The following HS6ST3 variants were observed in gnomAD, a reference collection of about 807,000 sequenced individuals.
The protein encoded by HS6ST3 is heparan-sulfate 6-O-sulfotransferase 3.
Under a neutral mutation model 36.7 loss-of-function variants are expected in HS6ST3, and 12 were observed. The ratio of observed to expected loss-of-function variants is 0.33; its 90% confidence interval spans 0.21 to 0.53. The LOEUF (loss-of-function observed/expected upper bound fraction) is 0.53. Among genes scored for constraint, HS6ST3 ranks in the 20% least tolerant of loss-of-function variants. HS6ST3 has a pLI of 0.95. For missense variants in HS6ST3, 584 were observed against 640.9 expected (o/e 0.91, Z 0.96); for synonymous variants, 240 against 257.5 (o/e 0.93, Z 0.65).
intron 1 of HS6ST3, among the ~76,000 whole-genome samples, chr13:96,421,033 T>C (rs891277162): frequency 3.3e-5 from 5 of 152,206 alleles, no homozygotes; most frequent in African/African-American, 1.2e-4. Flanking sequence ...TGATGCTTTA[T>C]TGAGAGTTCC....
At chr13:96,317,370 AAT>A (rs1566322178) in intron 1 of HS6ST3, among the ~76,000 whole-genome samples, 439 of 15,338 alleles carry the variant, frequency 0.029, 5 homozygotes, top group Non-Finnish European at 0.049. Flanking sequence ...ATATATATAA[AAT>A]TATATATATA....
intron 1 of HS6ST3, among the ~76,000 whole-genome samples, chr13:96,453,127 A>G (rs181773854): frequency 1.3e-5 from 2 of 152,054 alleles, no homozygotes; most frequent in East Asian, 3.9e-4. Flanking sequence ...GTATTTTACA[A>G]TGGACCATGT....
chr13:96,375,679 T>C (rs1367997292), intron 1 of HS6ST3, among the ~76,000 whole-genome samples: 2 of 152,228 alleles, frequency 1.3e-5, no homozygotes, highest in East Asian at 3.8e-4. Flanking sequence ...CCAATTAACA[T>C]GTGCCACCTA....
intron 1 of HS6ST3, among the ~76,000 whole-genome samples, chr13:96,518,297 A>G (rs1055828562): frequency 6.6e-6 from 1 of 152,276 alleles, no homozygotes; most frequent in African/African-American, 2.4e-5. Context: ...AATATGTCTT[A>G]TCTGTGTTAA....
chr13:96,614,032 C>T (rs1474320939), intron 1 of HS6ST3, among the ~76,000 whole-genome samples: 1 of 152,046 alleles, frequency 6.6e-6, no homozygotes, highest in Non-Finnish European at 1.5e-5. Flanking sequence ...GGCGCGGTGG[C>T]TCACCCCTGT....
intron 1 of HS6ST3, among the ~76,000 whole-genome samples, chr13:96,167,296 A>C (rs1396626056): frequency 6.6e-6 from 1 of 152,238 alleles, no homozygotes; most frequent in African/African-American, 2.4e-5. Context: ...GTAAGTACGT[A>C]TAAATGGTAG....
At chr13:96,350,120 A>G (rs529215818) in intron 1 of HS6ST3, among the ~76,000 whole-genome samples, 1 of 152,352 alleles carries the variant, frequency 6.6e-6, no homozygotes, top group African/African-American at 2.4e-5. Context: ...CCCAGATTGC[A>G]TAGTCTGCCT....
At chr13:96,097,435 T>C (rs983034686) in intron 1 of HS6ST3, among the ~76,000 whole-genome samples, 4 of 152,206 alleles carry the variant, frequency 2.6e-5, no homozygotes, top group Non-Finnish European at 4.4e-5. Flanking sequence ...TTAAGAGTCA[T>C]GAAATAAATT....
Position 96,098,023 on chromosome 13 carries a change from G to A in HS6ST3, c.707+6454G>A, listed in dbSNP as rs543029563. 1.2e-4 allele frequency among the ~76,000 whole-genome samples: 18 copies of A among 152,244 alleles called. 1 individual carries two copies. In the South Asian group the frequency reaches 1.5e-3, roughly 12 times the overall value. ...ATAATTAGCAAGATGCCCACTCCCC[G>A]GATTGTCTAGAAGAGAAGTAAAAGT... On this transcript the variant is annotated intron_variant, in intron 1 of 1. Transcript: ENST00000376705.
intron 1 of HS6ST3, among the ~76,000 whole-genome samples, chr13:96,602,175 A>G (rs2056424049): frequency 6.6e-6 from 1 of 152,112 alleles, no homozygotes; most frequent in Non-Finnish European, 1.5e-5. Flanking sequence ...TGTTTCCCTC[A>G]TTTCACAGAA....
chr13:96,470,696 C>T (rs1376527942), intron 1 of HS6ST3, among the ~76,000 whole-genome samples: 1 of 152,192 alleles, frequency 6.6e-6, no homozygotes, highest in Non-Finnish European at 1.5e-5. Flanking sequence ...TGCACTCTTG[C>T]CTCTGTCCTC....
intron 1 of HS6ST3, among the ~76,000 whole-genome samples, chr13:96,740,947 A>G (rs1002727328): frequency 6.6e-6 from 1 of 152,210 alleles, no homozygotes; most frequent in Non-Finnish European, 1.5e-5. Flanking sequence ...AGCAGCACGT[A>G]ACTGTGGGAA....
chr13:96,538,075 C>T (rs952202441), intron 1 of HS6ST3, among the ~76,000 whole-genome samples: 1 of 152,196 alleles, frequency 6.6e-6, no homozygotes, highest in Non-Finnish European at 1.5e-5. Flanking sequence ...GAGACTGATG[C>T]AACTGTAATG....
At position 96,461,302 on chromosome 13, in the gene HS6ST3, G is replaced by A. The variant is rs140793019; in HGVS notation, c.707+369733G>A. On this transcript the variant is annotated intron_variant, in intron 1 of 1. Coordinates refer to ENST00000376705, the MANE Select transcript of HS6ST3 (RefSeq NM_153456.4). Reference sequence around the variant, plus strand: ...AACTGACAGTTCAGCAGAAGTGATTGACATTTAAGTAAAAATTATAATGTA... The same window carrying A: ...AACTGACAGTTCAGCAGAAGTGATTAACATTTAAGTAAAAATTATAATGTA... Among the ~76,000 whole-genome samples the A allele has an allele frequency of 7.9e-5, 12 of 152,296 alleles. No homozygotes were observed. In the South Asian group the frequency reaches 8.3e-4, roughly 11 times the overall value.
At chr13:96,603,633 G>A (rs977542937) in intron 1 of HS6ST3, among the ~76,000 whole-genome samples, 1 of 152,162 alleles carries the variant, frequency 6.6e-6, no homozygotes, top group Non-Finnish European at 1.5e-5. Context: ...AATAGATTCT[G>A]CTGAACAGTT....
chr13:96,254,437 A>G (rs1355145690), intron 1 of HS6ST3, among the ~76,000 whole-genome samples: 2 of 54,958 alleles, frequency 3.6e-5, no homozygotes, highest in Non-Finnish European at 6.9e-5. Flanking sequence ...AAAAAAAAAA[A>G]AAAAAAAAAA....
chr13:96,764,195 A>G (rs1008053300), intron 1 of HS6ST3, among the ~76,000 whole-genome samples: 3 of 152,216 alleles, frequency 2.0e-5, no homozygotes, highest in African/African-American at 7.2e-5. Flanking sequence ...CAATTGTTGT[A>G]TTTCCAAAGA....
intron 1 of HS6ST3, among the ~76,000 whole-genome samples, chr13:96,170,617 G>A (rs987112813): frequency 1.3e-5 from 2 of 152,162 alleles, no homozygotes; most frequent in African/African-American, 4.8e-5. Flanking sequence ...AAAAGCTGAT[G>A]AGTAAGGAAA....
intron 1 of HS6ST3, among the ~76,000 whole-genome samples, chr13:96,559,113 TC>T (rs1442664327): frequency 1.1e-4 from 16 of 150,790 alleles, no homozygotes; most frequent in African/African-American, 3.7e-4. Context: ...TATCTATCTA[TC>T]TATCTATCTA....
Sources: gnomAD v4.1 joint callset for allele counts (sites outside exome capture counted in the v4.1 genomes callset) on GRCh38, gnomAD v4.1.1 for gene constraint, MANE v1.5 for transcripts, NCBI Gene and HGNC (gene_info 2026-07-23, HGNC 2026-07-21) for gene names.